Variants in ADAMTS2 observed in about 807,000 individuals in gnomAD.
ADAMTS2 encodes the protein A disintegrin and metalloproteinase with thrombospondin motifs 2.
A neutral mutation model predicts 123.0 loss-of-function variants in ADAMTS2; 50 were observed. The ratio of observed to expected loss-of-function variants is 0.41; its 90% CI spans 0.32 to 0.51. The LOEUF (loss-of-function observed/expected upper bound fraction) is 0.51, where lower values mean the gene tolerates loss of function less well. ADAMTS2 is among the 20% of genes least tolerant of loss of function. The pLI, the probability that ADAMTS2 is intolerant of heterozygous loss-of-function variation, is 0.35. For missense variants in ADAMTS2, 1,494 were observed against 1,705.2 expected (o/e 0.88, Z 2.18); for synonymous variants, 678 against 695.4 (o/e 0.98, Z 0.39).
intron 2 of ADAMTS2, among the ~76,000 whole-genome samples, chr5:179,274,468 C>T (rs1766637549): frequency 6.6e-6 from 1 of 152,268 alleles, no homozygotes; most frequent in Admixed American, 6.5e-5. Context: ...CCGGGGTCCC[C>T]TGTCCAGTTA....
rs1020129890 is a variant in ADAMTS2, at chr5:179,130,986, C to G, written c.2291-888G>C. 1.3e-5 allele frequency among the ~76,000 whole-genome samples: 2 copies of G among 152,066 alleles called. No individual in the cohort carries two copies. Among genetic ancestry groups the G allele is most frequent in the Admixed American group, 1.3e-4 (2 of 15,260 alleles). On this transcript the variant is annotated intron_variant, in intron 15 of 21. Transcript: ENST00000251582. The surrounding 1 kb of genome is among the most constrained non-coding windows in gnomAD (Gnocchi z 4.3). ...GTTCACCTGCTTCAGGCAAGTGGTA[C>G]AGGTTTTTATATTTAGGGTAGCAGT... is the stretch of plus-strand genomic sequence containing the variant.
chr5:179,265,168 T>C (rs1766335280), intron 3 of ADAMTS2, among the ~76,000 whole-genome samples: 1 of 152,242 alleles, frequency 6.6e-6, no homozygotes, highest in Admixed American at 6.5e-5. Context: ...AACTGTCCCC[T>C]GCACTCGAGT....
At chr5:179,276,254 G>A (rs954182302) in intron 2 of ADAMTS2, among the ~76,000 whole-genome samples, 14 of 152,170 alleles carry the variant, frequency 9.2e-5, no homozygotes, top group African/African-American at 3.4e-4. Context: ...CTGGCACAGG[G>A]GCAGTGTGTT....
At chr5:179,154,325 G>A (rs973403923) in intron 7 of ADAMTS2, 133 bp from the exon 8 acceptor site, 2 of 1,299,924 alleles carry the variant, frequency 1.5e-6, no homozygotes, top group Admixed American at 4.1e-5. Context: ...TGAGCCGGGT[G>A]GCACCGACCA....
At chr5:179,340,263 C>T (rs1177243257) in intron 2 of ADAMTS2, among the ~76,000 whole-genome samples, 1 of 152,232 alleles carries the variant, frequency 6.6e-6, no homozygotes. Flanking sequence ...AGGAGAGGAT[C>T]CCCGTGCTGC....
chr5:179,265,971 C>A (rs1481607236), intron 3 of ADAMTS2, among the ~76,000 whole-genome samples: 1 of 152,230 alleles, frequency 6.6e-6, no homozygotes, highest in Non-Finnish European at 1.5e-5. Context: ...CTCAGTGAGT[C>A]GGCAACAGTG....
intron 3 of ADAMTS2, among the ~76,000 whole-genome samples, chr5:179,265,876 G>C (rs11742928): frequency 6.6e-6 from 1 of 152,232 alleles, no homozygotes; most frequent in Non-Finnish European, 1.5e-5. Context: ...TGGGTTTCCC[G>C]GGGCCTGGGC....
chr5:179,344,716 G>A (rs1285675033), intron 1 of ADAMTS2, among the ~76,000 whole-genome samples: 2 of 152,178 alleles, frequency 1.3e-5, no homozygotes, highest in Non-Finnish European at 2.9e-5. Flanking sequence ...CCGTCTCCCC[G>A]AGCGCCCGAG....
At position 179,175,357 on chromosome 5, in the gene ADAMTS2, C is replaced by T. The variant is rs938233856; in HGVS notation, c.975+5715G>A. On this transcript the variant is annotated intron_variant, in intron 5 of 21. Coordinates refer to ENST00000251582, the MANE Select transcript of ADAMTS2 (RefSeq NM_014244.5). The surrounding 1 kb of genome is among the most constrained non-coding windows in gnomAD (Gnocchi z 4.1). ...TCCTAGATGGTGCTTAGAATCACTT[C>T]ATAACATTTCCAACTATGAATCTGG... Among the ~76,000 whole-genome samples, 1 of 152,248 alleles carries T rather than the reference C, an allele frequency of 6.6e-6. No homozygotes were observed. The highest frequency in any genetic ancestry group is 6.5e-5 in the Admixed American group (1 of 15,290).
chr5:179,138,806 G>A lies in ADAMTS2; in HGVS notation c.1776-862C>T, dbSNP rs541656642. 5.9e-5 allele frequency among the ~76,000 whole-genome samples: 9 copies of A among 152,308 alleles called. No individual in the cohort carries two copies. The South Asian group carries it at 1.9e-3, about 32-fold the overall frequency. On this transcript the variant is annotated intron_variant, in intron 11 of 21. Transcript: ENST00000251582. ...ACTGCGGGTCCTCTCTGGCTCCGCAGGGTCCAGCTCGGGCCTGGCCAGAGC... is the reference window on the plus strand; with the variant it reads ...ACTGCGGGTCCTCTCTGGCTCCGCAAGGTCCAGCTCGGGCCTGGCCAGAGC...
intron 4 of ADAMTS2, among the ~76,000 whole-genome samples, chr5:179,192,236 C>CA (rs1764322085): frequency 6.6e-6 from 1 of 152,248 alleles, no homozygotes; most frequent in Non-Finnish European, 1.5e-5. Context: ...CCAAGGCACT[C>CA]AGAGCGCAGG....
At chr5:179,335,080 G>T (rs1355332707) in intron 2 of ADAMTS2, among the ~76,000 whole-genome samples, 5 of 152,000 alleles carry the variant, frequency 3.3e-5, no homozygotes, top group African/African-American at 1.2e-4. Context: ...TCATTTGAAA[G>T]AATAAACATA....
chr5:179,290,003 A>G (rs1414402900), intron 2 of ADAMTS2, among the ~76,000 whole-genome samples: 7 of 152,246 alleles, frequency 4.6e-5, no homozygotes, highest in Admixed American at 2.6e-4. Context: ...AGCCTGAACC[A>G]GACAACCGAC....
chr5:179,207,957 C>T (rs1764746252), intron 3 of ADAMTS2, among the ~76,000 whole-genome samples: 3 of 152,204 alleles, frequency 2.0e-5, no homozygotes, highest in Admixed American at 2.0e-4. Context: ...GTTCCCCAGC[C>T]CCTGGTGGCA....
Position 179,154,902 on chromosome 5 carries a change from C to T in ADAMTS2, c.1150G>A (p.Gly384Ser), listed in dbSNP as rs774046761. The change falls in exon 7 of 22, where the codon GGC becomes AGC. Residue 384 changes from glycine (G) to serine (S), a missense_variant. Transcript: ENST00000251582. ...SGMQGYAPVT[G>S]MCHPVRSCTL... ...CAGCTGCGGACCGGATGGCACATGC[C>T]GGTGACAGGAGCATAGCCTGGGAGG... is the stretch of plus-strand genomic sequence containing the variant. The T allele has an allele frequency of 5.6e-6, 9 of 1,613,262 alleles. No homozygotes were observed. The highest frequency in any genetic ancestry group is 2.2e-5 in the South Asian group (2 of 90,944).
rs564228217 is a variant in ADAMTS2 at position 179,314,586 on chromosome 5, C to T, written c.534+29181G>A. On this transcript the variant is annotated intron_variant, in intron 2 of 21. Transcript: ENST00000251582. The surrounding 1 kb of genome is among the most constrained non-coding windows in gnomAD (Gnocchi z 4.5). ...GTGTCTCTCTCTCACGGGCCCACAT[C>T]CTCACTGGACTGTCTCCCTTTTACA... is the stretch of plus-strand genomic sequence containing the variant. Among the ~76,000 whole-genome samples the T allele has an allele frequency of 2.6e-5, 4 of 152,320 alleles. No homozygotes were observed. Among genetic ancestry groups the T allele is most frequent in the African/African-American group, 9.6e-5 (4 of 41,576 alleles).
At chr5:179,302,049 C>G (rs1756534566) in intron 2 of ADAMTS2, among the ~76,000 whole-genome samples, 1 of 152,192 alleles carries the variant, frequency 6.6e-6, no homozygotes, top group Non-Finnish European at 1.5e-5. Flanking sequence ...CCTGGCCCAG[C>G]ACAGCCCTTC....
At chr5:179,226,032 C>A (rs1765276022) in intron 3 of ADAMTS2, among the ~76,000 whole-genome samples, 2 of 152,146 alleles carry the variant, frequency 1.3e-5, no homozygotes, top group Non-Finnish European at 2.9e-5. Flanking sequence ...AGCCCCACAG[C>A]CTGCCCGTCT....
rs371216269 is a variant in ADAMTS2 at position 179,272,841 on chromosome 5, G to A, written c.688+70C>T. 1 of 1,559,880 alleles carries A rather than the reference G, an allele frequency of 6.4e-7. No homozygotes were observed. The highest frequency in any genetic ancestry group is 8.7e-7 in the Non-Finnish European group (1 of 1,155,792). ...TCTGTGGAGAGCTGCCTGAGTCTCT[G>A]GGATGCTCCCCTGGGGACCAGGGCC... On this transcript the variant is annotated intron_variant, in intron 3 of 21. Coordinates refer to ENST00000251582, the MANE Select transcript of ADAMTS2 (RefSeq NM_014244.5). This position sits in a 1 kb window ranked among gnomAD's most constrained non-coding sequence, Gnocchi z 5.8.
Sources: gnomAD v4.1 joint callset for allele counts (sites outside exome capture counted in the v4.1 genomes callset) on GRCh38, gnomAD v4.1.1 for gene constraint, Gnocchi (gnomAD v3.1) non-coding constraint, MANE v1.5 for transcripts, NCBI Gene and HGNC (gene_info 2026-07-23, HGNC 2026-07-21) for gene names.